Variants in CD302 observed in about 807,000 individuals in gnomAD.
CD302 encodes CD302 molecule, also known as CD302 antigen.
A neutral mutation model predicts 26.5 loss-of-function variants in CD302; 23 were observed. The observed-to-expected ratio is 0.87, with a 90% confidence interval of 0.62 to 1.23. CD302 has a LOEUF of 1.23. Among genes scored for constraint, CD302 ranks in the 50% most tolerant of loss-of-function variants. CD302 has a pLI of 0.00. For missense variants in CD302, 290 were observed against 275.5 expected, an observed-to-expected ratio of 1.05 and a Z score of -0.37; for synonymous variants, 90 against 99.4, an observed-to-expected ratio of 0.91 and a Z score of 0.56.
chr2:159,777,962 G>A lies in CD302; in HGVS notation c.472C>T (p.Pro158Ser), dbSNP rs1708388266. The A allele has an allele frequency of 2.1e-6, 2 of 966,966 alleles. No homozygotes were observed. Among genetic ancestry groups the A allele is most frequent in the Admixed American group, 2.8e-5 (1 of 35,160 alleles). The allele number at this position is 966,966 out of a possible 1,614,324, so 59.9% of individuals were successfully genotyped here. A position where few individuals can be genotyped will look rare whatever the true frequency, so the allele number is the denominator to read the frequency against. Reference protein sequence around the residue: ...VEGTLCKTAIPYKRKYLSDNH... With the variant: ...VEGTLCKTAISYKRKYLSDNH... ...CCTGATAAATATTTCCTTTTGTATG[G>A]GACTAAAATACAAAAGAAAATAAAA... is the stretch of plus-strand genomic sequence containing the variant. Residue 158 changes from proline to serine, a missense_variant and splice_region_variant, in exon 5 of 6, where the codon CCA becomes TCA. Physicochemically the swap from Pro to Ser is moderately conservative, Grantham distance 74. Transcript: ENST00000259053.
At chr2:159,793,271 G>A (rs1261144689) in intron 1 of CD302, among the ~76,000 whole-genome samples, 1 of 152,034 alleles carries the variant, frequency 6.6e-6, no homozygotes, top group Non-Finnish European at 1.5e-5. Flanking sequence ...TTTAAAAGCT[G>A]TACTTAGCAT....
intron 1 of CD302, among the ~76,000 whole-genome samples, chr2:159,792,001 A>C (rs1169084315): frequency 6.6e-6 from 1 of 152,164 alleles, no homozygotes. Context: ...AACAAGAAAC[A>C]CTTATTATAT....
At chr2:159,780,753 A>G (rs1162820131) in intron 3 of CD302, 129 bp downstream of exon 3, 2 of 807,636 alleles carry the variant, frequency 2.5e-6, no homozygotes, top group Non-Finnish European at 4.2e-6. Context: ...TCATAGGTGC[A>G]CACTGAAAAT....
chr2:159,769,126 T>C lies in CD302; in HGVS notation c.*2725A>G, dbSNP rs1708051009. ...TTTAAATTCTGAACAAAAGAGACCA[T>C]ACACTGCTCACTACAAGAATGCAAT... On this transcript the variant is annotated 3_prime_UTR_variant, in exon 6 of 6. Coordinates refer to ENST00000259053, the MANE Select transcript of CD302 (RefSeq NM_014880.5). 6.6e-6 allele frequency: 1 copy of C among 152,178 alleles called. No homozygotes were observed. The highest frequency in any genetic ancestry group is 2.1e-4 in the South Asian group (1 of 4,828). 9.4% of individuals were successfully genotyped at this position (152,178 alleles called of 1,614,324 possible).
intron 1 of CD302, among the ~76,000 whole-genome samples, chr2:159,796,267 A>G (rs1708952556): frequency 6.6e-6 from 1 of 152,148 alleles, no homozygotes; most frequent in Non-Finnish European, 1.5e-5. Flanking sequence ...CTTGGATGGG[A>G]GATTTGTAAA....
intron 1 of CD302, among the ~76,000 whole-genome samples, chr2:159,787,272 G>T (rs1210907498): frequency 1.3e-5 from 2 of 152,038 alleles, no homozygotes; most frequent in African/African-American, 4.8e-5. Context: ...TTTAAATCCA[G>T]CTTGATCACC....
chr2:159,787,643 GT>G (rs1708703162), intron 1 of CD302, among the ~76,000 whole-genome samples: 1 of 152,022 alleles, frequency 6.6e-6, no homozygotes, highest in African/African-American at 2.4e-5. Flanking sequence ...TTTTATTACT[GT>G]TTTGCCTGGC....
intron 1 of CD302, among the ~76,000 whole-genome samples, chr2:159,784,983 T>TTG (rs1708628410): frequency 6.7e-6 from 1 of 149,498 alleles, no homozygotes; most frequent in Non-Finnish European, 1.5e-5. Context: ...TTTTTTTTTT[T>TTG]TTTTTTTTTG....
chr2:159,774,698 C>T (rs1001251472), intron 5 of CD302, among the ~76,000 whole-genome samples: 1 of 152,218 alleles, frequency 6.6e-6, no homozygotes, highest in Admixed American at 6.5e-5. Context: ...TCTCCAGTAA[C>T]CTTTGCTGAA....
intron 1 of CD302, among the ~76,000 whole-genome samples, chr2:159,789,325 A>C (rs1218750946): frequency 6.6e-6 from 1 of 152,094 alleles, no homozygotes; most frequent in Non-Finnish European, 1.5e-5. Flanking sequence ...CATGCTGTTA[A>C]ACCCCATCTA....
chr2:159,785,156 T>C (rs1708634337), intron 1 of CD302, among the ~76,000 whole-genome samples: 1 of 151,934 alleles, frequency 6.6e-6, no homozygotes, highest in Admixed American at 6.6e-5. Flanking sequence ...TTAATTTTTT[T>C]GTAGAGACAA....
chr2:159,780,810 GAAA>G (rs1356685363), intron 3 of CD302, 69 bp downstream of exon 3: 7 of 1,372,560 alleles, frequency 5.1e-6, no homozygotes, highest in Non-Finnish European at 6.2e-6. Context: ...CCAGAGAATT[GAAA>G]AGCCATCAGT....
intron 1 of CD302, among the ~76,000 whole-genome samples, chr2:159,785,928 C>T (rs1708653712): frequency 6.6e-6 from 1 of 152,070 alleles, no homozygotes; most frequent in African/African-American, 2.4e-5. Context: ...GTGGTGAGAC[C>T]TTGGAAAACT....
At chr2:159,797,222 T>TGGG (rs59874954) in intron 1 of CD302, among the ~76,000 whole-genome samples, 1,466 of 104,476 alleles carry the variant, frequency 0.014, 31 homozygotes, top group East Asian at 0.085. Context: ...GGGCAAGGGG[T>TGGG]GGGGGGGGGG....
At chr2:159,780,262 G>A in intron 3 of CD302, 84 bp from the exon 4 acceptor site, 1 of 1,454,828 alleles carries the variant, frequency 6.9e-7, no homozygotes, top group East Asian at 2.3e-5. Flanking sequence ...AAGGTGGAAA[G>A]TTACTAAGGT....
rs920073776 is a variant in CD302 at position 159,771,268 on chromosome 2, T to C, written c.*583A>G. On this transcript the variant is annotated 3_prime_UTR_variant, in exon 6 of 6. Transcript: ENST00000259053. ...CGATCATATTTTGTTTCAAATAATT[T>C]ATAAACATTCATTAAAACTTGAGTC... 6.5e-6 allele frequency: 1 copy of C among 152,842 alleles called. No individual in the cohort carries two copies. Among genetic ancestry groups the C allele is most frequent in the African/African-American group, 2.4e-5 (1 of 41,454 alleles). The allele number at this position is 152,842 out of a possible 1,614,324, so 9.5% of individuals were successfully genotyped here. A position where few individuals can be genotyped will look rare whatever the true frequency, so the allele number is the denominator to read the frequency against.
chr2:159,778,737 C>G (rs919001179), intron 4 of CD302, among the ~76,000 whole-genome samples: 1 of 152,014 alleles, frequency 6.6e-6, no homozygotes, highest in Non-Finnish European at 1.5e-5. Flanking sequence ...GGTGGTCTTG[C>G]TATGTTGACC....
intron 1 of CD302, 49 bp from the exon 2 acceptor site, chr2:159,783,518 TA>T: frequency 7.0e-7 from 1 of 1,425,682 alleles, no homozygotes; most frequent in Non-Finnish European, 9.5e-7. Flanking sequence ...GAAAAAGAAT[TA>T]CATGAATTCC....
At chr2:159,792,382 T>C (rs187898930) in intron 1 of CD302, among the ~76,000 whole-genome samples, 95 of 152,066 alleles carry the variant, frequency 6.2e-4, no homozygotes, top group African/African-American at 2.2e-3. Flanking sequence ...TATTGGTTAT[T>C]GTATTAGTCA....
Sources: allele counts gnomAD v4.1 joint callset (sites outside exome capture counted in the v4.1 genomes callset), GRCh38; gene constraint gnomAD v4.1.1; transcripts MANE v1.5; gene names NCBI Gene and HGNC (gene_info 2026-07-23, HGNC 2026-07-21).